Variants in AK5 observed in about 807,000 individuals in gnomAD.
AK5 encodes adenylate kinase 5, also known as adenylate kinase isoenzyme 5.
A neutral mutation model predicts 69.5 loss-of-function variants in AK5; 27 were observed. The ratio of observed to expected loss-of-function variants is 0.39; its 90% confidence interval spans 0.29 to 0.54. The LOEUF (loss-of-function observed/expected upper bound fraction) is 0.54, where lower values mean the gene tolerates loss of function less well. AK5 is among the 20% of genes least tolerant of loss of function. AK5 has a pLI of 0.71. For missense variants in AK5, 531 were observed against 700.4 expected, an observed-to-expected ratio of 0.76 and a Z score of 2.73; for synonymous variants, 260 against 244.4, an observed-to-expected ratio of 1.06 and a Z score of -0.60.
intron 6 of AK5, among the ~76,000 whole-genome samples, chr1:77,381,728 C>G (rs1304265229): frequency 6.6e-6 from 1 of 152,132 alleles, no homozygotes; most frequent in African/African-American, 2.4e-5. Context: ...TTTATCATTA[C>G]CACTATTCTC....
chr1:77,412,278 G>A (rs974059924), intron 7 of AK5, among the ~76,000 whole-genome samples: 52 of 152,100 alleles, frequency 3.4e-4, no homozygotes, highest in African/African-American at 1.2e-3. Flanking sequence ...ATAGGAAACC[G>A]CCTGAGGACA....
intron 6 of AK5, among the ~76,000 whole-genome samples, chr1:77,382,222 T>G (rs1647688432): frequency 1.2e-5 from 1 of 82,286 alleles, no homozygotes; most frequent in Non-Finnish European, 2.4e-5. Flanking sequence ...TTTTATAATC[T>G]TTTAATTTTT....
intron 5 of AK5, among the ~76,000 whole-genome samples, chr1:77,325,270 G>T (rs543399160): frequency 6.6e-6 from 1 of 151,564 alleles, no homozygotes; most frequent in Non-Finnish European, 1.5e-5. Flanking sequence ...CTCCCAAAGT[G>T]TTGGGATTAC....
chr1:77,456,929 A>T (rs113825251), intron 8 of AK5, among the ~76,000 whole-genome samples: 8,648 of 152,010 alleles, frequency 0.057, 288 homozygotes, highest in Middle Eastern at 0.11. Context: ...CTTAAAAAAA[A>T]AAAAAAAGTC....
At chr1:77,293,272 A>G (rs934383268) in intron 2 of AK5, among the ~76,000 whole-genome samples, 1 of 152,132 alleles carries the variant, frequency 6.6e-6, no homozygotes, top group Non-Finnish European at 1.5e-5. Flanking sequence ...CAGCTTATCT[A>G]TATTTGTTGA....
chr1:77,391,427 A>ATG (rs1173084591), intron 6 of AK5, among the ~76,000 whole-genome samples: 2 of 121,166 alleles, frequency 1.7e-5, no homozygotes, highest in African/African-American at 3.5e-5. Context: ...ATATGTATAT[A>ATG]TATACATATA....
chr1:77,553,266 T>C (rs764382721), intron 13 of AK5, among the ~76,000 whole-genome samples: 5 of 152,114 alleles, frequency 3.3e-5, no homozygotes, highest in African/African-American at 7.2e-5. Context: ...GTCAGTTAAA[T>C]GCAAGGGACT....
At chr1:77,439,085 A>T (rs544648807) in intron 8 of AK5, among the ~76,000 whole-genome samples, 1 of 152,290 alleles carries the variant, frequency 6.6e-6, no homozygotes, top group Non-Finnish European at 1.5e-5. Context: ...AATCTATCTA[A>T]GGTGAGCTGA....
chr1:77,477,000 T>C (rs1024236794), intron 8 of AK5, among the ~76,000 whole-genome samples: 2 of 97,696 alleles, frequency 2.0e-5, no homozygotes, highest in African/African-American at 7.5e-5. Context: ...GATTGTTCTT[T>C]TTAGTGTGTG....
intron 7 of AK5, among the ~76,000 whole-genome samples, chr1:77,414,889 G>A (rs912105977): frequency 6.6e-6 from 1 of 151,940 alleles, no homozygotes; most frequent in Non-Finnish European, 1.5e-5. Flanking sequence ...ATTATTAAAG[G>A]TCCCATTTTC....
At chr1:77,405,194 T>C (rs1014362276) in intron 6 of AK5, among the ~76,000 whole-genome samples, 1 of 152,244 alleles carries the variant, frequency 6.6e-6, no homozygotes, top group Admixed American at 6.5e-5. Flanking sequence ...GGATATTAAA[T>C]AGACCATCTC....
At chr1:77,358,940 A>AT (rs199815052) in intron 6 of AK5, among the ~76,000 whole-genome samples, 1 of 151,822 alleles carries the variant, frequency 6.6e-6, no homozygotes, top group Admixed American at 6.6e-5. Flanking sequence ...CAAAAAAAAA[A>AT]GAAGAAGAAA....
At chr1:77,297,775 G>T in intron 4 of AK5, 47 bp downstream of exon 4, 1 of 1,604,404 alleles carries the variant, frequency 6.2e-7, no homozygotes, top group Non-Finnish European at 8.5e-7. Context: ...TTTTCATACC[G>T]ATTGAGTATA....
intron 6 of AK5, among the ~76,000 whole-genome samples, chr1:77,393,982 A>G (rs1648655864): frequency 1.3e-5 from 2 of 152,156 alleles, no homozygotes; most frequent in Non-Finnish European, 2.9e-5. Flanking sequence ...TGGGAGGTTG[A>G]GGTGGGCCTA....
chr1:77,328,088 T>C (rs1023553962), intron 5 of AK5, among the ~76,000 whole-genome samples: 2 of 152,160 alleles, frequency 1.3e-5, no homozygotes, highest in African/African-American at 4.8e-5. Flanking sequence ...AATGTATAAA[T>C]AAATGAAATA....
intron 11 of AK5, among the ~76,000 whole-genome samples, 173 bp from the exon 12 acceptor site, chr1:77,521,654 A>G (rs764993446): frequency 6.6e-6 from 1 of 152,196 alleles, no homozygotes; most frequent in Non-Finnish European, 1.5e-5. Context: ...TTTCATAGAT[A>G]TTAAAATATG....
At chr1:77,476,831 T>G (rs571351845) in intron 8 of AK5, among the ~76,000 whole-genome samples, 17 of 151,880 alleles carry the variant, frequency 1.1e-4, no homozygotes, top group Non-Finnish European at 1.6e-4. Flanking sequence ...GAAAACACTC[T>G]AAGTACTACT....
intron 8 of AK5, among the ~76,000 whole-genome samples, chr1:77,468,137 G>A (rs756781322): frequency 6.6e-6 from 1 of 152,218 alleles, no homozygotes; most frequent in Non-Finnish European, 1.5e-5. Context: ...AACTCTTGAG[G>A]GGGTGGGAGA....
chr1:77,481,994 T>A (rs889705029), intron 8 of AK5, among the ~76,000 whole-genome samples: 1 of 152,226 alleles, frequency 6.6e-6, no homozygotes, highest in Non-Finnish European at 1.5e-5. Flanking sequence ...CATTCTGTAC[T>A]TATATGGAAA....
Sources: gnomAD v4.1 joint callset for allele counts (sites outside exome capture counted in the v4.1 genomes callset) on GRCh38, gnomAD v4.1.1 for gene constraint, MANE v1.5 for transcripts, NCBI Gene and HGNC (gene_info 2026-07-23, HGNC 2026-07-21) for gene names.